MED13L: variants seen among roughly 807,000 people sequenced by gnomAD.
MED13L encodes mediator of RNA polymerase II transcription subunit 13-like.
MED13L carries 7 observed loss-of-function variants against 220.9 expected under a neutral mutation model. The ratio of observed to expected loss-of-function variants is 0.03; its 90% CI spans 0.02 to 0.06. MED13L has a LOEUF of 0.06. MED13L is among the 10% of genes least tolerant of loss of function. The pLI, the probability that MED13L is intolerant of heterozygous loss-of-function variation, is 1.00. For missense variants in MED13L, 1,965 were observed against 2,760.5 expected (o/e 0.71, Z 6.46); for synonymous variants, 1,011 against 1,015.2 (o/e 1.00, Z 0.08).
chr12:116,024,560 T>A (rs957149970), intron 4 of MED13L, among the ~76,000 whole-genome samples: 1 of 152,126 alleles, frequency 6.6e-6, no homozygotes, highest in African/African-American at 2.4e-5. Flanking sequence ...GCAAATATTT[T>A]CTCCTATTCT....
At chr12:116,080,358 AC>A (rs1871145974) in intron 4 of MED13L, among the ~76,000 whole-genome samples, 1 of 152,016 alleles carries the variant, frequency 6.6e-6, no homozygotes, top group African/African-American at 2.4e-5. Context: ...TCCCCAAGAT[AC>A]TTAAGAAATT....
At chr12:116,251,677 C>T (rs1409009275) in intron 1 of MED13L, among the ~76,000 whole-genome samples, 2 of 150,972 alleles carry the variant, frequency 1.3e-5, no homozygotes, top group African/African-American at 4.9e-5. Flanking sequence ...AGGAGAATGG[C>T]GTGAACCCAG....
chr12:116,040,597 C>T (rs1226247102), intron 4 of MED13L, among the ~76,000 whole-genome samples: 1 of 152,066 alleles, frequency 6.6e-6, no homozygotes, highest in Non-Finnish European at 1.5e-5. Flanking sequence ...ATCAGATCTA[C>T]CACTTTCCCA....
intron 2 of MED13L, among the ~76,000 whole-genome samples, chr12:116,206,863 T>C (rs552789731): frequency 6.6e-6 from 1 of 152,186 alleles, no homozygotes; most frequent in Non-Finnish European, 1.5e-5. Flanking sequence ...CACTTCATAA[T>C]TATAAAATGA....
chr12:116,256,539 T>C (rs910389892), intron 1 of MED13L, among the ~76,000 whole-genome samples: 82 of 152,136 alleles, frequency 5.4e-4, no homozygotes, highest in African/African-American at 1.8e-3. Flanking sequence ...TTCACAGATA[T>C]ACACATTTGT....
At chr12:116,127,159 C>T (rs1409708250) in intron 2 of MED13L, among the ~76,000 whole-genome samples, 1 of 152,068 alleles carries the variant, frequency 6.6e-6, no homozygotes, top group South Asian at 2.1e-4. Context: ...CTTTAAAAGA[C>T]AGAGTTTTGA....
At chr12:116,256,682 C>CTTTTTTTTTT (rs35608298) in intron 1 of MED13L, among the ~76,000 whole-genome samples, 1 of 96,254 alleles carries the variant, frequency 1.0e-5, no homozygotes, top group African/African-American at 4.1e-5. Flanking sequence ...AAACAAACTA[C>CTTTTTTTTTT]TTTTTTTTTT....
chr12:116,079,537 T>TTTA (rs947268427), intron 4 of MED13L, among the ~76,000 whole-genome samples: 5 of 152,006 alleles, frequency 3.3e-5, no homozygotes, highest in East Asian at 1.9e-4. Context: ...TTTTATTCAT[T>TTTA]TTATTATTAT....
At chr12:116,046,098 C>G (rs920585855) in intron 4 of MED13L, among the ~76,000 whole-genome samples, 2 of 152,116 alleles carry the variant, frequency 1.3e-5, no homozygotes, top group African/African-American at 4.8e-5. Context: ...TCTAACTACT[C>G]TTTAACATAC....
chr12:116,011,146 A>G (rs971808889), intron 9 of MED13L, among the ~76,000 whole-genome samples: 7 of 152,078 alleles, frequency 4.6e-5, no homozygotes, highest in East Asian at 3.9e-4. Flanking sequence ...TGGCCTCCCA[A>G]AGTGCTAGGA....
intron 3 of MED13L, among the ~76,000 whole-genome samples, chr12:116,109,167 C>T (rs1873872325): frequency 6.9e-6 from 1 of 144,278 alleles, no homozygotes; most frequent in South Asian, 2.2e-4. Flanking sequence ...ACCTCCTGGG[C>T]TCAAGCAATC....
chr12:115,976,300 T>C (rs1876933124), intron 23 of MED13L, among the ~76,000 whole-genome samples: 1 of 152,220 alleles, frequency 6.6e-6, no homozygotes, highest in Non-Finnish European at 1.5e-5. Context: ...TAAATTGTGA[T>C]ATAGTTAACA....
At chr12:115,994,856 C>A (rs1878296758) in intron 16 of MED13L, among the ~76,000 whole-genome samples, 1 of 152,206 alleles carries the variant, frequency 6.6e-6, no homozygotes, top group Non-Finnish European at 1.5e-5. Context: ...ACTCTTTATA[C>A]TGCTGGTGCA....
At chr12:116,051,397 T>C (rs1212916643) in intron 4 of MED13L, among the ~76,000 whole-genome samples, 1 of 152,226 alleles carries the variant, frequency 6.6e-6, no homozygotes, top group Admixed American at 6.5e-5. Flanking sequence ...AGGGAGTAAA[T>C]AGCCTGTGCA....
intron 26 of MED13L, among the ~76,000 whole-genome samples, chr12:115,971,686 C>T (rs1324685288): frequency 1.3e-5 from 2 of 152,154 alleles, no homozygotes; most frequent in African/African-American, 4.8e-5. Context: ...AATATCCCTT[C>T]GAGGCTGCTG....
intron 8 of MED13L, among the ~76,000 whole-genome samples, chr12:116,013,740 G>A (rs1879559232): frequency 6.6e-6 from 1 of 152,136 alleles, no homozygotes; most frequent in Non-Finnish European, 1.5e-5. Context: ...TAACAATAAG[G>A]GGCAATATTT....
At chr12:116,144,509 G>C (rs984976253) in intron 2 of MED13L, among the ~76,000 whole-genome samples, 8 of 152,076 alleles carry the variant, frequency 5.3e-5, no homozygotes, top group African/African-American at 1.7e-4. Flanking sequence ...ATAAAATCTT[G>C]GCTCAAAGCA....
At chr12:116,231,263 G>A (rs562465673) in intron 2 of MED13L, among the ~76,000 whole-genome samples, 6 of 152,218 alleles carry the variant, frequency 3.9e-5, no homozygotes, top group Non-Finnish European at 5.9e-5. Context: ...GAGAAATCTG[G>A]CAGACACTAC....
Position 115,991,355 on chromosome 12 carries a change from C to A in MED13L, c.3599G>T (p.Arg1200Leu), listed in dbSNP as rs764576420. Reference sequence around the variant, plus strand: ...GAAGGTGGACTGACACATCATTAAGCGCCTCTCTGCAGCCTGACCAATATC... The same window carrying A: ...GAAGGTGGACTGACACATCATTAAGAGCCTCTCTGCAGCCTGACCAATATC... Reference protein sequence around the residue: ...NSDIGQAAERRLMMCQSTFLP... With the variant: ...NSDIGQAAERLLMMCQSTFLP... Residue 1200 changes from arginine (R) to leucine (L), a missense_variant, in exon 17 of 31, where the codon CGC becomes CTC. Physicochemically the swap from Arg to Leu is moderately radical, Grantham distance 102. Around this residue, in one of 10 missense-constraint regions of MED13L, gnomAD observed 165 missense variants for 190.8 expected, o/e 0.86. Transcript: ENST00000281928. The surrounding 1 kb of genome is among the most constrained non-coding windows in gnomAD (Gnocchi z 7.7). 1.9e-6 allele frequency: 3 copies of A among 1,614,004 alleles called. No homozygotes were observed. The highest frequency in any genetic ancestry group is 3.3e-5 in the Admixed American group (2 of 60,010).
Sources: gnomAD v4.1 joint callset for allele counts (sites outside exome capture counted in the v4.1 genomes callset) on GRCh38, gnomAD v4.1.1 for gene constraint, gnomAD v4.1.1 regional missense constraint, Gnocchi (gnomAD v3.1) non-coding constraint, MANE v1.5 for transcripts, NCBI Gene and HGNC (gene_info 2026-07-23, HGNC 2026-07-21) for gene names.